Variants in SLC4A8 observed in about 807,000 individuals in gnomAD.
SLC4A8 encodes the protein solute carrier family 4 member 8, also known as electroneutral sodium bicarbonate exchanger 1.
A neutral mutation model predicts 125.0 loss-of-function variants in SLC4A8; 40 were observed. The observed-to-expected ratio is 0.32, with a 90% confidence interval of 0.25 to 0.42. The LOEUF (loss-of-function observed/expected upper bound fraction) is 0.42, where lower values mean the gene tolerates loss of function less well. Ranked by LOEUF, SLC4A8 falls within the 10% of genes least tolerant of loss-of-function variation. The pLI, the probability that SLC4A8 is intolerant of heterozygous loss-of-function variation, is 1.00. For missense variants in SLC4A8, 863 were observed against 1,355.1 expected (o/e 0.64, Z 5.70); for synonymous variants, 456 against 476.0 (o/e 0.96, Z 0.55).
intron 4 of SLC4A8, among the ~76,000 whole-genome samples, chr12:51,452,478 G>A (rs1175361162): frequency 1.3e-5 from 2 of 152,184 alleles, no homozygotes; most frequent in Admixed American, 6.5e-5. Context: ...TGGGATTGGT[G>A]AAATAACATG....
At chr12:51,413,456 T>C (rs1044232099) in intron 1 of SLC4A8, among the ~76,000 whole-genome samples, 1 of 152,262 alleles carries the variant, frequency 6.6e-6, no homozygotes, top group African/African-American at 2.4e-5. Flanking sequence ...TTGTTGCCTA[T>C]GCTTTTGAAG....
At chr12:51,499,963 G>A (rs978968931) in intron 22 of SLC4A8, among the ~76,000 whole-genome samples, 3 of 152,148 alleles carry the variant, frequency 2.0e-5, no homozygotes, top group African/African-American at 7.2e-5. Flanking sequence ...AGGCAATAGG[G>A]GAGGGTGGCT....
At chr12:51,501,088 C>T (rs1454143106) in intron 22 of SLC4A8, among the ~76,000 whole-genome samples, 3 of 152,198 alleles carry the variant, frequency 2.0e-5, no homozygotes, top group Non-Finnish European at 4.4e-5. Flanking sequence ...CTCGGCCTCC[C>T]AAAGTGCTGG....
At chr12:51,457,274 C>T in intron 5 of SLC4A8, 77 bp from the exon 6 acceptor site, 1 of 1,267,396 alleles carries the variant, frequency 7.9e-7, no homozygotes, top group Non-Finnish European at 1.1e-6. Context: ...TGCCCTTTAC[C>T]CCACTCCACC....
intron 22 of SLC4A8, among the ~76,000 whole-genome samples, chr12:51,498,689 G>A (rs1056512810): frequency 1.3e-4 from 5 of 38,242 alleles, no homozygotes; most frequent in South Asian, 9.1e-4. Flanking sequence ...GGGACCAGCC[G>A]GGCCAACATG....
At chr12:51,427,419 G>A (rs912610860) in intron 1 of SLC4A8, among the ~76,000 whole-genome samples, 1 of 152,118 alleles carries the variant, frequency 6.6e-6, no homozygotes, top group Admixed American at 6.5e-5. Context: ...TCTGGAGTAG[G>A]ATAGAAAATA....
intron 16 of SLC4A8, among the ~76,000 whole-genome samples, chr12:51,484,634 G>A (rs947980329): frequency 5.3e-5 from 8 of 152,124 alleles, no homozygotes; most frequent in Admixed American, 3.3e-4. Flanking sequence ...GTGATATTAC[G>A]TGTGGCTAAG....
At chr12:51,431,660 T>C (rs1749743219) in intron 1 of SLC4A8, among the ~76,000 whole-genome samples, 1 of 151,940 alleles carries the variant, frequency 6.6e-6, no homozygotes, top group Non-Finnish European at 1.5e-5. Context: ...TTTGAGGGCA[T>C]TGGAGAGTTG....
intron 15 of SLC4A8, 137 bp from the exon 16 acceptor site, chr12:51,474,908 A>T: frequency 2.6e-6 from 2 of 769,378 alleles, no homozygotes; most frequent in Non-Finnish European, 4.2e-6. Flanking sequence ...CCGCAACTGC[A>T]TAAAGGTCAA....
At chr12:51,433,979 A>G (rs1949314203) in intron 1 of SLC4A8, among the ~76,000 whole-genome samples, 3 of 151,556 alleles carry the variant, frequency 2.0e-5, no homozygotes, top group African/African-American at 4.9e-5. Context: ...GGCTCGAGCA[A>G]TTCTTCCACC....
chr12:51,495,123 G>A lies in SLC4A8; in HGVS notation c.2943+5G>A, dbSNP rs781171939. On this transcript the variant is annotated splice_donor_5th_base_variant and intron_variant, in intron 21 of 24. Transcript: ENST00000453097. ...GCCATTGTTTTCCCAATGATGGTGA[G>A]GTGGTTTTTAAAAAATAAATTCTTA... The A allele has an allele frequency of 3.8e-6, 6 of 1,591,194 alleles. No homozygotes were observed. The Admixed American group carries it at 1.1e-4, about 29-fold the overall frequency.
chr12:51,457,290 T>C (rs1480533003), intron 5 of SLC4A8, 61 bp from the exon 6 acceptor site: 17 of 1,457,704 alleles, frequency 1.2e-5, no homozygotes, highest in East Asian at 2.3e-5. Context: ...CCACCTGATG[T>C]TGGCCTTCTT....
chr12:51,445,785 G>A (rs1009865081), intron 2 of SLC4A8, among the ~76,000 whole-genome samples: 5 of 151,954 alleles, frequency 3.3e-5, no homozygotes, highest in Non-Finnish European at 7.4e-5. Context: ...AGACACGCTA[G>A]CATTTTACCT....
chr12:51,445,531 C>T (rs986247490), intron 2 of SLC4A8, among the ~76,000 whole-genome samples: 1 of 152,114 alleles, frequency 6.6e-6, no homozygotes, highest in African/African-American at 2.4e-5. Context: ...TGACCTGCCC[C>T]TGCCTGTTTT....
In SLC4A8 at chr12:51,475,207, G is replaced by A. The variant is rs1403052669; in HGVS notation, c.2172+1G>A. 6.2e-7 allele frequency: 1 copy of A among 1,613,826 alleles called. No homozygotes were observed. Among genetic ancestry groups the A allele is most frequent in the Admixed American group, 1.7e-5 (1 of 60,004 alleles). ...GACGAGCCGTTATTTCCCAACCAGA[G>A]TAGGTAGCATGTTCATGCATTTCTT... On this transcript the variant is annotated splice_donor_variant, in intron 16 of 24. Coordinates refer to ENST00000453097, the MANE Select transcript of SLC4A8 (RefSeq NM_001039960.3). LOFTEE classifies it high-confidence loss of function.
intron 24 of SLC4A8, among the ~76,000 whole-genome samples, chr12:51,506,860 A>G (rs1277705486): frequency 2.0e-5 from 3 of 152,258 alleles, no homozygotes; most frequent in Non-Finnish European, 2.9e-5. Flanking sequence ...GAGGTAGGCT[A>G]TATGCCAAAA....
rs181769525 is a variant in SLC4A8, at chr12:51,431,439, T to C, written c.48+6404T>C. On this transcript the variant is annotated intron_variant, in intron 1 of 24. Coordinates refer to ENST00000453097, the MANE Select transcript of SLC4A8 (RefSeq NM_001039960.3). ...GTAACCTATACTGAACAGGAGTGAC[T>C]CCAAGTGGGGTTCAGCAAAAGAATC... Among the ~76,000 whole-genome samples the C allele has an allele frequency of 4.7e-4, 72 of 152,246 alleles. No individual in the cohort carries two copies. In the East Asian group the frequency reaches 9.6e-3, roughly 20 times the overall value.
rs1938501538 is a variant in SLC4A8, at chr12:51,515,515, T to C, written c.*8077T>C. Reference sequence around the variant, plus strand: ...TTTTAGAGATTCCAAAGTATATATTTTTAGTGTAAGAAATGTACCCTCTCC... The same window carrying C: ...TTTTAGAGATTCCAAAGTATATATTCTTAGTGTAAGAAATGTACCCTCTCC... On this transcript the variant is annotated 3_prime_UTR_variant, in exon 25 of 25. Coordinates refer to ENST00000453097, the MANE Select transcript of SLC4A8 (RefSeq NM_001039960.3). The C allele has an allele frequency of 1.3e-5, 2 of 152,190 alleles. No homozygotes were observed. Among genetic ancestry groups the C allele is most frequent in the Non-Finnish European group, 2.9e-5 (2 of 68,026 alleles). The allele number at this position is 152,190 out of a possible 1,614,324, so 9.4% of individuals were successfully genotyped here. A position where few individuals can be genotyped will look rare whatever the true frequency, so the allele number is the denominator to read the frequency against.
chr12:51,438,453 C>G (rs1194207625), intron 1 of SLC4A8, among the ~76,000 whole-genome samples: 2 of 152,192 alleles, frequency 1.3e-5, no homozygotes, highest in Admixed American at 6.5e-5. Flanking sequence ...CCACAAATGA[C>G]AAGATTTCAT....
Sources: gnomAD v4.1 joint callset for allele counts (sites outside exome capture counted in the v4.1 genomes callset) on GRCh38, gnomAD v4.1.1 for gene constraint, MANE v1.5 for transcripts, NCBI Gene and HGNC (gene_info 2026-07-23, HGNC 2026-07-21) for gene names.